The following SPAG17 variants were observed in gnomAD, a reference collection of about 807,000 sequenced individuals.
The protein encoded by SPAG17 is sperm-associated antigen 17.
In SPAG17, 169 loss-of-function variants were observed where a neutral mutation model predicts 273.6. The observed-to-expected ratio is 0.62, with a 90% confidence interval of 0.55 to 0.70. The LOEUF is 0.70. SPAG17 is among the 30% of genes least tolerant of loss of function. SPAG17 has a pLI of 0.00. For missense variants in SPAG17, 2,557 were observed against 2,627.8 expected (o/e 0.97, Z 0.59); for synonymous variants, 825 against 873.2 (o/e 0.94, Z 0.97).
At chr1:118,000,078 G>C (rs540995419) in intron 32 of SPAG17, among the ~76,000 whole-genome samples, 2 of 152,236 alleles carry the variant, frequency 1.3e-5, no homozygotes, top group African/African-American at 4.8e-5. Flanking sequence ...ATTAAACAGG[G>C]AATCCTTTCC....
intron 17 of SPAG17, among the ~76,000 whole-genome samples, chr1:118,069,557 A>G (rs1334928185): frequency 6.6e-6 from 1 of 152,106 alleles, no homozygotes; most frequent in East Asian, 1.9e-4. Flanking sequence ...GAAAAATATG[A>G]GTGTCATATA....
chr1:118,111,936 A>T (rs1314354119), intron 4 of SPAG17, among the ~76,000 whole-genome samples: 1 of 152,200 alleles, frequency 6.6e-6, no homozygotes, highest in East Asian at 1.9e-4. Context: ...TTCTAAAAAC[A>T]TCTAAGGAAA....
chr1:118,123,757 CTAAA>C (rs1657549275), intron 3 of SPAG17, among the ~76,000 whole-genome samples: 1 of 152,132 alleles, frequency 6.6e-6, no homozygotes, highest in Admixed American at 6.5e-5. Context: ...GTCACTGAAA[CTAAA>C]TAAACAACCC....
At chr1:117,976,386 GGA>G (rs1030664146) in intron 43 of SPAG17, among the ~76,000 whole-genome samples, 4 of 152,164 alleles carry the variant, frequency 2.6e-5, no homozygotes, top group African/African-American at 9.7e-5. Flanking sequence ...TGAGGAAGGT[GGA>G]TTATTTCTTC....
In SPAG17 at chr1:118,024,626, T is replaced by C. The variant is rs553763306; in HGVS notation, c.3909+612A>G. On this transcript the variant is annotated intron_variant, in intron 27 of 48. Transcript: ENST00000336338. Reference sequence around the variant, plus strand: ...TCTACTCACAGGAGCTCCTGTTTTGTGATCACTGGGGAAGGAAAGAGCAGG... The same window carrying C: ...TCTACTCACAGGAGCTCCTGTTTTGCGATCACTGGGGAAGGAAAGAGCAGG... Among the ~76,000 whole-genome samples the C allele has an allele frequency of 4.7e-4, 71 of 152,208 alleles. 1 individual carries two copies. The South Asian group carries it at 0.015, about 31-fold the overall frequency.
chr1:118,049,028 T>C (rs886424476), intron 20 of SPAG17, among the ~76,000 whole-genome samples: 1 of 152,124 alleles, frequency 6.6e-6, no homozygotes, highest in Non-Finnish European at 1.5e-5. Context: ...GACTGAGTCA[T>C]GAAGAAATAC....
chr1:118,034,063 T>C (rs574942648), intron 24 of SPAG17, among the ~76,000 whole-genome samples: 1 of 152,350 alleles, frequency 6.6e-6, no homozygotes, highest in East Asian at 1.9e-4. Context: ...AAGTACAGTA[T>C]ATAAACAAGT....
At chr1:118,082,000 T>C (rs1654618565) in intron 13 of SPAG17, among the ~76,000 whole-genome samples, 1 of 152,222 alleles carries the variant, frequency 6.6e-6, no homozygotes, top group South Asian at 2.1e-4. Flanking sequence ...CCTTTTCTCC[T>C]GTTGTAATTT....
intron 3 of SPAG17, among the ~76,000 whole-genome samples, chr1:118,121,337 AGGTGTGTGGGCATGT>A (rs1657408236): frequency 2.0e-5 from 3 of 152,148 alleles, no homozygotes; most frequent in African/African-American, 7.2e-5. Flanking sequence ...GTGCCTGTAT[AGGTGTGTGGGCATGT>A]GGTGTGTGAC....
chr1:117,997,855 C>T (rs1273095691), intron 32 of SPAG17, among the ~76,000 whole-genome samples: 2 of 152,076 alleles, frequency 1.3e-5, no homozygotes, highest in Non-Finnish European at 2.9e-5. Context: ...AAACCATTTA[C>T]GCATATATGA....
chr1:117,973,037 G>A (rs1261807830), intron 44 of SPAG17, among the ~76,000 whole-genome samples: 2 of 152,204 alleles, frequency 1.3e-5, no homozygotes, highest in African/African-American at 2.4e-5. Context: ...CCTTTAGCCA[G>A]TAGTAGTATG....
chr1:117,958,058 C>T (rs575546793), intron 48 of SPAG17, among the ~76,000 whole-genome samples: 15 of 152,288 alleles, frequency 9.8e-5, no homozygotes, highest in Non-Finnish European at 1.9e-4. Flanking sequence ...CATTCTCAAG[C>T]GGTTACAGCA....
At chr1:118,101,013 T>C (rs552121278) in intron 5 of SPAG17, among the ~76,000 whole-genome samples, 12 of 152,326 alleles carry the variant, frequency 7.9e-5, no homozygotes, top group Non-Finnish European at 1.3e-4. Context: ...GACTTTCCTA[T>C]ATGTGCCCAA....
intron 48 of SPAG17, chr1:117,960,051 T>TA (rs1652824644): frequency 1.3e-5 from 2 of 152,286 alleles, no homozygotes; most frequent in South Asian, 4.1e-4. Context: ...TAGTTGTTTC[T>TA]AATTAAAAAG....
Position 118,016,077 on chromosome 1 carries a change from G to A in SPAG17, c.4175C>T (p.Thr1392Ile), listed in dbSNP as rs762566006. Reference protein sequence around the residue: ...TVTPVEVHIGTWFTTTPEGNR... With the variant: ...TVTPVEVHIGIWFTTTPEGNR... ...TCCTTCAGGTGTGGTTGTAAACCAG[G>A]TGCCTATGTGAACCTCCACAGGAGT... The change falls in exon 29 of 49, where the codon ACC becomes ATC. Residue 1392 changes from threonine to isoleucine, a missense_variant. Transcript: ENST00000336338. 3.1e-6 allele frequency: 5 copies of A among 1,613,916 alleles called. No individual in the cohort carries two copies. The highest frequency in any genetic ancestry group is 2.2e-5 in the South Asian group (2 of 91,074).
intron 39 of SPAG17, 100 bp from the exon 40 acceptor site, chr1:117,987,981 T>C: frequency 2.0e-6 from 3 of 1,466,402 alleles, no homozygotes; most frequent in Non-Finnish European, 2.8e-6. Flanking sequence ...TTATTAATAG[T>C]ATGGGAGATG....
chr1:118,008,558 A>G (rs1386177725), intron 30 of SPAG17, among the ~76,000 whole-genome samples: 1 of 152,194 alleles, frequency 6.6e-6, no homozygotes, highest in Non-Finnish European at 1.5e-5. Flanking sequence ...TTTAATACAT[A>G]TGTAAAATAA....
At chr1:118,113,272 T>C (rs1656880963) in intron 4 of SPAG17, among the ~76,000 whole-genome samples, 1 of 152,162 alleles carries the variant, frequency 6.6e-6, no homozygotes, top group South Asian at 2.1e-4. Flanking sequence ...TCAGGAAAGA[T>C]GAAAAGATTA....
At chr1:118,105,840 A>G (rs571582904) in intron 4 of SPAG17, among the ~76,000 whole-genome samples, 1 of 109,792 alleles carries the variant, frequency 9.1e-6, no homozygotes, top group South Asian at 2.9e-4. Flanking sequence ...ACTCAGTAAT[A>G]AAAAACATCA....
Sources: gnomAD v4.1 joint callset for allele counts (sites outside exome capture counted in the v4.1 genomes callset) on GRCh38, gnomAD v4.1.1 for gene constraint, MANE v1.5 for transcripts, NCBI Gene and HGNC (gene_info 2026-07-23, HGNC 2026-07-21) for gene names.